Variants in DLL3 observed in about 807,000 individuals in gnomAD.
The protein encoded by DLL3 is delta-like protein 3.
A neutral mutation model predicts 55.0 loss-of-function variants in DLL3; 49 were observed. The observed-to-expected ratio is 0.89, with a 90% CI of 0.71 to 1.13. The LOEUF (loss-of-function observed/expected upper bound fraction) is 1.13, where lower values mean the gene tolerates loss of function less well. Among genes scored for constraint, DLL3 ranks in the 50% most tolerant of loss-of-function variants. The pLI is 0.00. For synonymous variants in DLL3, 421 were observed against 385.2 expected (o/e 1.09, Z -1.09); for missense variants, 962 against 875.5 (o/e 1.10, Z -1.25).
Position 39,505,217 on chromosome 19 carries a change from G to T in DLL3, c.871-12G>T. ...GGAAACACCCTTCTCAAGTACTCTT[G>T]TCCCTGCCCAGGAGACACCCAGGTC... On this transcript the variant is annotated splice_polypyrimidine_tract_variant and intron_variant, in intron 5 of 8. Transcript: ENST00000356433. The T allele has an allele frequency of 6.2e-7, 1 of 1,613,594 alleles. No individual in the cohort carries two copies. Among genetic ancestry groups the T allele is most frequent in the Non-Finnish European group, 8.5e-7 (1 of 1,179,872 alleles).
intron 2 of DLL3, among the ~76,000 whole-genome samples, chr19:39,499,854 C>CTTT (rs1323996801): frequency 1.1e-4 from 9 of 82,506 alleles, no homozygotes; most frequent in African/African-American, 1.6e-4. Flanking sequence ...TCTTCTCTCT[C>CTTT]TTTTTTTTTT....
In DLL3 at chr19:39,505,387, C is replaced by A; in HGVS notation, c.1029C>A (p.Pro343=). ...PDSAYICHCP[P]GFQGSNCEKR... is the part of the protein sequence containing the mutation. ...CTGCCTACATCTGCCACTGCCCACC[C>A]GGTTTCCAAGGCTCCAACTGTGAGA... The change falls in exon 6 of 9, where the codon CCC becomes CCA. Residue 343 remains proline (P), a synonymous_variant. Coordinates refer to ENST00000356433, the MANE Select transcript of DLL3 (RefSeq NM_203486.3). The A allele has an allele frequency of 6.2e-7, 1 of 1,613,896 alleles. No individual in the cohort carries two copies. The highest frequency in any genetic ancestry group is 2.2e-5 in the East Asian group (1 of 44,882).
In DLL3 at chr19:39,505,396, A is replaced by G. The variant is rs2079634474; in HGVS notation, c.1038A>G (p.Gln346=). ...AYICHCPPGF[Q]GSNCEKRVDR... The stretch of plus-strand genomic sequence containing the variant: ...TCTGCCACTGCCCACCCGGTTTCCA[A>G]GGCTCCAACTGTGAGAAGAGGGTGG... Residue 346 remains glutamine (Q), a synonymous_variant, in exon 6 of 9, where the codon CAA becomes CAG. Transcript: ENST00000356433. The G allele has an allele frequency of 1.2e-6, 2 of 1,613,966 alleles. No homozygotes were observed. Among genetic ancestry groups the G allele is most frequent in the South Asian group, 2.2e-5 (2 of 91,066 alleles).
Position 39,505,271 on chromosome 19 carries a change from T to C in DLL3, c.913T>C (p.Tyr305His). ...SFECTCPRGF[Y>H]GLRCEVSGVT... ...TGAATGCACCTGCCCGCGTGGGTTC[T>C]ACGGGCTGCGGTGTGAGGTGAGCGG... Residue 305 changes from tyrosine to histidine, a missense_variant, in exon 6 of 9, where the codon TAC (tyrosine) becomes CAC (histidine). By Grantham distance (83) the Tyr-to-His change is moderately conservative. Transcript: ENST00000356433. The C allele has an allele frequency of 6.2e-7, 1 of 1,614,198 alleles. No homozygotes were observed. Among genetic ancestry groups the C allele is most frequent in the Non-Finnish European group, 8.5e-7 (1 of 1,180,012 alleles).
rs1246380380 is a variant in DLL3, at chr19:39,504,063, C to G, written c.653-8C>G. On this transcript the variant is annotated splice_region_variant and splice_polypyrimidine_tract_variant and intron_variant, in intron 4 of 8. Transcript: ENST00000356433. ...TTCCCTTTCTCTCTGCCTCTCTGTCCCCCATAGTGGTGTGCCGAGCAGGCT... is the reference window on the plus strand; with the variant it reads ...TTCCCTTTCTCTCTGCCTCTCTGTCGCCCATAGTGGTGTGCCGAGCAGGCT... 1 of 1,613,032 alleles carries G rather than the reference C, an allele frequency of 6.2e-7. No homozygotes were observed. Among genetic ancestry groups the G allele is most frequent in the Admixed American group, 1.7e-5 (1 of 60,002 alleles).
At chr19:39,508,179 A>C in intron 8 of DLL3, 73 bp from the exon 9 acceptor site, 1 of 1,613,996 alleles carries the variant, frequency 6.2e-7, no homozygotes, top group Non-Finnish European at 8.5e-7. Context: ...TTTTCCACTG[A>C]TTGTACTCAG....
chr19:39,499,504 C>G (rs1246243200), intron 2 of DLL3, 31 bp downstream of exon 2: 6 of 1,571,252 alleles, frequency 3.8e-6, no homozygotes, highest in Non-Finnish European at 5.1e-6. Context: ...ACTCCCGGTG[C>G]TGGAGGCCTA....
chr19:39,503,078 C>A, intron 4 of DLL3, 21 bp downstream of exon 4: 1 of 1,520,482 alleles, frequency 6.6e-7, no homozygotes, highest in South Asian at 1.2e-5. Context: ...CGTTCGACCC[C>A]ACCCCGTCCC....
chr19:39,499,399 C>G lies in DLL3; in HGVS notation c.277C>G (p.Gln93Glu), dbSNP rs759278208. 2 of 1,580,748 alleles carry G rather than the reference C, an allele frequency of 1.3e-6. No homozygotes were observed. Among genetic ancestry groups the G allele is most frequent in the East Asian group, 4.6e-5 (2 of 43,694 alleles). Reference sequence around the variant, plus strand: ...TGCGCGCGGACCGGTCTACACCGAGCAGCCCGGAGCGCCCGCGCCTGATCT... The same window carrying G: ...TGCGCGCGGACCGGTCTACACCGAGGAGCCCGGAGCGCCCGCGCCTGATCT... ...LSARGPVYTE[Q>E]PGAPAPDLPL... is the part of the protein sequence containing the mutation. Residue 93 changes from glutamine to glutamate, a missense_variant, in exon 2 of 9, where the codon CAG (glutamine) becomes GAG (glutamate). Physicochemically the swap from Gln to Glu is conservative, Grantham distance 29. Transcript: ENST00000356433.
Position 39,507,054 on chromosome 19 carries a change from A to G in DLL3, c.1109A>G (p.Asp370Gly). 1 of 1,537,932 alleles carries G rather than the reference A, an allele frequency of 6.5e-7. No individual in the cohort carries two copies. Among genetic ancestry groups the G allele is most frequent in the Non-Finnish European group, 8.7e-7 (1 of 1,148,724 alleles). Reference protein sequence around the residue: ...QPCRNGGLCLDLGHALRCRCR... With the variant: ...QPCRNGGLCLGLGHALRCRCR... ...TTCCCCACAGGCGGACTCTGCCTGG[A>G]CCTGGGCCACGCCCTGCGCTGCCGC... The change falls in exon 7 of 9, where the codon GAC becomes GGC. Residue 370 changes from aspartate (D) to glycine (G), a missense_variant. Coordinates refer to ENST00000356433, the MANE Select transcript of DLL3 (RefSeq NM_203486.3).
In DLL3 at chr19:39,499,355, C is replaced by T. The variant is rs781590969; in HGVS notation, c.233C>T (p.Ala78Val). The T allele has an allele frequency of 4.5e-6, 7 of 1,556,980 alleles. No homozygotes were observed. In the African/African-American group the frequency reaches 8.1e-5, roughly 18 times the overall value. Residue 78 changes from alanine (A) to valine (V), a missense_variant, in exon 2 of 9, where the codon GCC (alanine) becomes GTC (valine). Ala to Val is a moderately conservative substitution (Grantham distance 64). Transcript: ENST00000356433. ...LSEEAAESPC[A>V]LGAALSARGP... ...GAGGAGGCCGCCGAGTCCCCGTGCG[C>T]CCTGGGCGCGGCGCTGAGTGCGCGC...
At chr19:39,507,772 A>G (rs2079653297) in intron 7 of DLL3, 58 bp from the exon 8 acceptor site, 5 of 1,612,330 alleles carry the variant, frequency 3.1e-6, no homozygotes, top group Non-Finnish European at 4.2e-6. Context: ...TGGGTAGGGG[A>G]AAACAAGATC....
chr19:39,506,540 A>G (rs1221635959), intron 6 of DLL3, among the ~76,000 whole-genome samples: 1 of 152,128 alleles, frequency 6.6e-6, no homozygotes, highest in Non-Finnish European at 1.5e-5. Context: ...GAACCAGCCC[A>G]GAGGGGAAGA....
At chr19:39,508,082 TC>T in intron 8 of DLL3, 168 bp downstream of exon 8, 1 of 1,604,284 alleles carries the variant, frequency 6.2e-7, no homozygotes, top group Non-Finnish European at 8.5e-7. Context: ...CTATTTTGCA[TC>T]CCTCTTATCG....
At position 39,508,426 on chromosome 19, in the gene DLL3, C is replaced by T; in HGVS notation, c.*169C>T. The T allele has an allele frequency of 2.7e-6, 2 of 750,600 alleles. No individual in the cohort carries two copies. The highest frequency in any genetic ancestry group is 4.5e-6 in the Non-Finnish European group (2 of 442,550). 46.5% of individuals were successfully genotyped at this position (750,600 alleles called of 1,614,324 possible). On this transcript the variant is annotated 3_prime_UTR_variant, in exon 9 of 9. Transcript: ENST00000356433. The stretch of plus-strand genomic sequence containing the variant: ...GTTATTTATATCCTATTTTTTCTCA[C>T]CCCATCTCTCTAGAAACACCTATAA...
At chr19:39,499,532 T>G in intron 2 of DLL3, 59 bp downstream of exon 2, 1 of 1,542,996 alleles carries the variant, frequency 6.5e-7, no homozygotes, top group Non-Finnish European at 8.7e-7. Flanking sequence ...CAGCGAAACC[T>G]CCACCTCCTC....
chr19:39,508,056 C>T (rs374551752), intron 8 of DLL3, 142 bp downstream of exon 8: 1 of 1,601,900 alleles, frequency 6.2e-7, no homozygotes, highest in Non-Finnish European at 8.5e-7. Flanking sequence ...ATTTTCAGTT[C>T]TAACTTACTT....
In DLL3 at chr19:39,503,097, A is replaced by T. The variant is rs762121920; in HGVS notation, c.652+40A>T. On this transcript the variant is annotated intron_variant, in intron 4 of 8. Transcript: ENST00000356433. ...CGACCCCACCCCGTCCCAGCCGGGG[A>T]CCCCGGCCCCTCCTGAGCGTCACTC... The T allele has an allele frequency of 2.2e-5, 33 of 1,510,212 alleles. No homozygotes were observed. In the South Asian group the frequency reaches 3.4e-4, roughly 16 times the overall value. The allele number at this position is 1,510,212 out of a possible 1,614,324, so 93.6% of individuals were successfully genotyped here. A position where few individuals can be genotyped will look rare whatever the true frequency, so the allele number is the denominator to read the frequency against.
intron 7 of DLL3, 42 bp from the exon 8 acceptor site, chr19:39,507,788 A>AT: frequency 6.2e-7 from 1 of 1,613,520 alleles, no homozygotes; most frequent in Non-Finnish European, 8.5e-7. Context: ...AGATCTGAGA[A>AT]TTTAAAGAGT....
Sources: gnomAD v4.1 joint callset for allele counts (sites outside exome capture counted in the v4.1 genomes callset) on GRCh38, gnomAD v4.1.1 for gene constraint, MANE v1.5 for transcripts, NCBI Gene and HGNC (gene_info 2026-07-23, HGNC 2026-07-21) for gene names.